SLC6A11: variants seen among roughly 807,000 people sequenced by gnomAD.
SLC6A11 encodes the protein solute carrier family 6 member 11.
Under a neutral mutation model 74.8 loss-of-function variants are expected in SLC6A11, and 25 were observed. The observed-to-expected ratio is 0.33, with a 90% CI of 0.24 to 0.47. The LOEUF is 0.47. SLC6A11 is among the 20% of genes least tolerant of loss of function. The pLI is 1.00. For synonymous variants in SLC6A11, 330 were observed against 330.2 expected, an observed-to-expected ratio of 1.00 and a Z score of 0.01; for missense variants, 574 against 837.0, an observed-to-expected ratio of 0.69 and a Z score of 3.88.
chr3:10,883,025 A>T (rs1205411758), intron 6 of SLC6A11, among the ~76,000 whole-genome samples: 3 of 148,384 alleles, frequency 2.0e-5, no homozygotes, highest in African/African-American at 7.4e-5. Flanking sequence ...GGGCAGGACG[A>T]GTCAGGGCCC....
intron 6 of SLC6A11, among the ~76,000 whole-genome samples, chr3:10,901,579 C>T (rs1695240802): frequency 6.6e-6 from 1 of 152,258 alleles, no homozygotes; most frequent in African/African-American, 2.4e-5. Context: ...GGCCAAGAGC[C>T]TCAGCCCCTT....
intron 5 of SLC6A11, among the ~76,000 whole-genome samples, chr3:10,858,507 G>A (rs753369943): frequency 1.3e-5 from 2 of 152,126 alleles, no homozygotes; most frequent in Non-Finnish European, 2.9e-5. Context: ...ATGATGACTC[G>A]AAATGCCTCT....
At position 10,918,509 on chromosome 3, in the gene SLC6A11, G is replaced by T; in HGVS notation, c.1120+56G>T. ...GCGGCAAGGGAGGCCAGGAGTGATG[G>T]TCATCATGGAAATGCGATCTTCCTC... On this transcript the variant is annotated intron_variant, in intron 8 of 13. Transcript: ENST00000254488. This position sits in a 1 kb window ranked among gnomAD's most constrained non-coding sequence, Gnocchi z 4.5. The T allele has an allele frequency of 9.0e-6, 14 of 1,556,918 alleles. No homozygotes were observed. The highest frequency in any genetic ancestry group is 1.2e-5 in the Non-Finnish European group (14 of 1,156,242).
chr3:10,818,388 T>C (rs919818228), intron 1 of SLC6A11, among the ~76,000 whole-genome samples: 1 of 152,238 alleles, frequency 6.6e-6, no homozygotes, highest in Non-Finnish European at 1.5e-5. Context: ...TGCTTTCTAA[T>C]GTAGTTGGGA....
At chr3:10,835,015 C>T (rs1000472346) in intron 4 of SLC6A11, among the ~76,000 whole-genome samples, 4 of 152,146 alleles carry the variant, frequency 2.6e-5, no homozygotes, top group South Asian at 2.1e-4. Context: ...GACCAGACCC[C>T]GACTCCCCAC....
At chr3:10,908,117 C>T (rs905434726) in intron 6 of SLC6A11, among the ~76,000 whole-genome samples, 1 of 152,168 alleles carries the variant, frequency 6.6e-6, no homozygotes, top group Admixed American at 6.5e-5. Flanking sequence ...GGCAACATAG[C>T]AAGATCCCAT....
intron 4 of SLC6A11, among the ~76,000 whole-genome samples, chr3:10,832,047 AT>A (rs1223212514): frequency 1.3e-5 from 2 of 152,222 alleles, no homozygotes; most frequent in African/African-American, 4.8e-5. Context: ...TTATCAAGTC[AT>A]TTGTCTTGAT....
intron 6 of SLC6A11, among the ~76,000 whole-genome samples, chr3:10,886,520 T>C (rs1695044398): frequency 6.6e-6 from 1 of 152,196 alleles, no homozygotes; most frequent in Non-Finnish European, 1.5e-5. Context: ...CAAACGTCCC[T>C]CACTAGGCTG....
intron 5 of SLC6A11, among the ~76,000 whole-genome samples, chr3:10,871,539 G>A (rs1694828457): frequency 6.6e-6 from 1 of 152,156 alleles, no homozygotes; most frequent in East Asian, 1.9e-4. Flanking sequence ...ATTGGCTTTG[G>A]TTGGGGGGGA....
chr3:10,878,859 T>C (rs1381173638), intron 6 of SLC6A11, among the ~76,000 whole-genome samples: 1 of 152,214 alleles, frequency 6.6e-6, no homozygotes, highest in Non-Finnish European at 1.5e-5. Flanking sequence ...TTTATGTGTG[T>C]ATATAATTGT....
intron 4 of SLC6A11, 178 bp downstream of exon 4, chr3:10,823,570 A>G (rs1694165666): frequency 3.5e-6 from 2 of 573,794 alleles, no homozygotes; most frequent in Admixed American, 2.9e-5. Flanking sequence ...GAGGTTTCCC[A>G]AAGGGGCAGC....
intron 5 of SLC6A11, among the ~76,000 whole-genome samples, chr3:10,847,348 A>G (rs1267111179): frequency 6.6e-6 from 1 of 152,192 alleles, no homozygotes; most frequent in Admixed American, 6.5e-5. Flanking sequence ...GTAGGTGCTC[A>G]ATGATTATTG....
chr3:10,831,173 A>G (rs1407055823), intron 4 of SLC6A11, among the ~76,000 whole-genome samples: 1 of 152,148 alleles, frequency 6.6e-6, no homozygotes. Context: ...AATCTGCCTG[A>G]ACTCTCAAGT....
chr3:10,861,548 G>T (rs997980835), intron 5 of SLC6A11, among the ~76,000 whole-genome samples: 3 of 151,956 alleles, frequency 2.0e-5, no homozygotes, highest in African/African-American at 7.3e-5. Flanking sequence ...AAAGCAGGAA[G>T]TAATGAATCT....
intron 6 of SLC6A11, among the ~76,000 whole-genome samples, chr3:10,911,272 A>G (rs1003794919): frequency 1.2e-4 from 18 of 152,230 alleles, no homozygotes; most frequent in African/African-American, 3.6e-4. Context: ...CATGAGTCTC[A>G]TCAGCTGCAT....
chr3:10,852,096 C>G (rs1694583677), intron 5 of SLC6A11, among the ~76,000 whole-genome samples: 1 of 152,248 alleles, frequency 6.6e-6, no homozygotes, highest in Non-Finnish European at 1.5e-5. Context: ...AGGACAGGCC[C>G]AGGAAAGGAA....
intron 6 of SLC6A11, among the ~76,000 whole-genome samples, chr3:10,876,779 AGAGAG>A (rs1694913881): frequency 9.3e-6 from 1 of 107,546 alleles, no homozygotes; most frequent in Non-Finnish European, 1.7e-5. Flanking sequence ...AGAGAGAGAG[AGAGAG>A]AAAAAAAAAA....
intron 5 of SLC6A11, among the ~76,000 whole-genome samples, chr3:10,859,215 G>A (rs952539795): frequency 6.6e-6 from 1 of 152,230 alleles, no homozygotes; most frequent in Non-Finnish European, 1.5e-5. Flanking sequence ...GAGGTGGAGA[G>A]AGAGGAAGAA....
At chr3:10,910,053 C>G (rs886452167) in intron 6 of SLC6A11, among the ~76,000 whole-genome samples, 4 of 152,160 alleles carry the variant, frequency 2.6e-5, no homozygotes, top group African/African-American at 9.7e-5. Flanking sequence ...TCTCAGTGCA[C>G]TCTGGTCTAC....
Sources: allele counts gnomAD v4.1 joint callset (sites outside exome capture counted in the v4.1 genomes callset), GRCh38; gene constraint gnomAD v4.1.1; non-coding constraint Gnocchi (gnomAD v3.1); transcripts MANE v1.5; gene names NCBI Gene and HGNC (gene_info 2026-07-23, HGNC 2026-07-21).